Variants in SUPT16H observed in about 807,000 individuals in gnomAD.
The protein encoded by SUPT16H is FACT complex subunit SPT16.
Under a neutral mutation model 136.2 loss-of-function variants are expected in SUPT16H, and 24 were observed. The ratio of observed to expected loss-of-function variants is 0.18; its 90% CI spans 0.13 to 0.25. SUPT16H has a LOEUF of 0.25. Among genes scored for constraint, SUPT16H ranks in the 10% least tolerant of loss-of-function variants. SUPT16H has a pLI of 1.00. For missense variants in SUPT16H, 623 were observed against 1,270.2 expected, an observed-to-expected ratio of 0.49 and a Z score of 7.74; for synonymous variants, 415 against 428.2, an observed-to-expected ratio of 0.97 and a Z score of 0.38.
intron 18 of SUPT16H, 72 bp downstream of exon 18, chr14:21,360,343 T>TATA: frequency 8.1e-7 from 1 of 1,233,536 alleles, no homozygotes; most frequent in African/African-American, 1.5e-5. Context: ...ATCACTATTT[T>TATA]ATAGGAAAGA....
chr14:21,359,423 G>GATTGTA, intron 19 of SUPT16H, 61 bp downstream of exon 19: 1 of 1,587,634 alleles, frequency 6.3e-7, no homozygotes, highest in Non-Finnish European at 8.6e-7. Flanking sequence ...CAATCCCTGA[G>GATTGTA]CTTGGATTTG....
chr14:21,382,658 TTA>T (rs1441645055), intron 1 of SUPT16H, among the ~76,000 whole-genome samples: 1 of 97,478 alleles, frequency 1.0e-5, no homozygotes, highest in African/African-American at 3.1e-5. Flanking sequence ...CTAACATCGA[TTA>T]TGTTTGAATA....
intron 19 of SUPT16H, among the ~76,000 whole-genome samples, chr14:21,359,179 C>T (rs748410608): frequency 2.0e-4 from 31 of 152,108 alleles, no homozygotes; most frequent in Non-Finnish European, 4.0e-4. Flanking sequence ...CTCACTGCAA[C>T]CTCTGCCTCT....
chr14:21,357,417 A>G lies in SUPT16H; in HGVS notation c.2491-51T>C. The G allele has an allele frequency of 4.1e-6, 6 of 1,451,960 alleles. No homozygotes were observed. In the African/African-American group the frequency reaches 4.3e-5, roughly 10 times the overall value. The allele number at this position is 1,451,960 out of a possible 1,614,324, so 89.9% of individuals were successfully genotyped here. ...GCATATAAGTATTTCCCCCAAAGCA[A>G]TAATATTTCAAATAACTTTCATGAT... On this transcript the variant is annotated intron_variant, in intron 21 of 25. Transcript: ENST00000216297.
chr14:21,360,320 G>A lies in SUPT16H; in HGVS notation c.2175+95C>T, dbSNP rs544874906. On this transcript the variant is annotated intron_variant, in intron 18 of 25. Transcript: ENST00000216297. ...TGGGATTGTGGGCATGAGCCACCGC[G>A]CCCAGCCCTTTCATCACTATTTTAT... is the stretch of plus-strand genomic sequence containing the variant. 2,281 of 996,736 alleles carry A rather than the reference G, an allele frequency of 2.3e-3. 8 individuals carry two copies. The highest frequency in any genetic ancestry group is 2.9e-3 in the Non-Finnish European group (1,964 of 666,402). The allele number at this position is 996,736 out of a possible 1,614,324, so 61.7% of individuals were successfully genotyped here.
intron 1 of SUPT16H, among the ~76,000 whole-genome samples, chr14:21,378,079 G>A (rs1044339754): frequency 1.3e-5 from 2 of 152,124 alleles, no homozygotes; most frequent in African/African-American, 2.4e-5. Flanking sequence ...TGTGGGGGGT[G>A]GAAGTGGGGA....
chr14:21,356,081 C>T (rs1886427192), intron 22 of SUPT16H, among the ~76,000 whole-genome samples: 1 of 152,192 alleles, frequency 6.6e-6, no homozygotes, highest in Non-Finnish European at 1.5e-5. Flanking sequence ...GAGAATCCAC[C>T]ACAACCTGAT....
chr14:21,359,672 G>A (rs1886509533), intron 18 of SUPT16H, 63 bp from the exon 19 acceptor site: 2 of 1,572,690 alleles, frequency 1.3e-6, no homozygotes, highest in African/African-American at 1.4e-5. Context: ...TGATGGAAAT[G>A]GCAGTGATCC....
chr14:21,353,637 A>G, intron 24 of SUPT16H, 66 bp downstream of exon 24: 2 of 1,603,436 alleles, frequency 1.2e-6, no homozygotes, highest in South Asian at 2.2e-5. Context: ...TTAGTCTAAA[A>G]AAAGTAGTTT....
At chr14:21,353,617 G>A (rs775753830) in intron 24 of SUPT16H, 52 bp from the exon 25 acceptor site, 18 of 1,605,908 alleles carry the variant, frequency 1.1e-5, no homozygotes, top group East Asian at 2.2e-5. Flanking sequence ...AGAATGGAAC[G>A]ACAGAGTTCT....
intron 1 of SUPT16H, 106 bp downstream of exon 1, chr14:21,383,756 G>T: frequency 2.2e-6 from 3 of 1,334,920 alleles, no homozygotes; most frequent in Non-Finnish European, 3.2e-6. Flanking sequence ...GTGAGGCACA[G>T]AACCCGGGAA....
chr14:21,364,684 T>C, intron 10 of SUPT16H, 143 bp downstream of exon 10: 3 of 653,130 alleles, frequency 4.6e-6, no homozygotes, highest in East Asian at 2.7e-5. Flanking sequence ...ACAGTCTCTA[T>C]TCCTAGCTGC....
chr14:21,377,395 G>A (rs992887760), intron 1 of SUPT16H, among the ~76,000 whole-genome samples: 4 of 152,192 alleles, frequency 2.6e-5, no homozygotes, highest in Admixed American at 2.0e-4. Context: ...TGAAGTCTTT[G>A]ACGCCAAATA....
At chr14:21,370,001 A>G (rs2181125) in intron 4 of SUPT16H, 105 bp from the exon 5 acceptor site, 1,191,801 of 1,342,740 alleles carry the variant, frequency 0.89, 532,284 homozygotes, top group Middle Eastern at 0.91. Context: ...TTATTTAGCA[A>G]ACTATCACTG....
intron 7 of SUPT16H, among the ~76,000 whole-genome samples, chr14:21,367,491 G>A (rs1450327718): frequency 6.6e-6 from 1 of 152,196 alleles, no homozygotes; most frequent in Non-Finnish European, 1.5e-5. Flanking sequence ...GGTGGCCTCA[G>A]AGGGATCTTT....
At chr14:21,377,958 T>C (rs918454369) in intron 1 of SUPT16H, among the ~76,000 whole-genome samples, 1 of 151,932 alleles carries the variant, frequency 6.6e-6, no homozygotes, top group African/African-American at 2.4e-5. Context: ...TTAGAGAAAA[T>C]GTGCTAAAGA....
At chr14:21,379,922 C>T (rs994063457) in intron 1 of SUPT16H, among the ~76,000 whole-genome samples, 4 of 151,092 alleles carry the variant, frequency 2.6e-5, no homozygotes, top group African/African-American at 7.4e-5. Context: ...AAAAACCTTT[C>T]TCTATCCCAC....
Position 21,352,524 on chromosome 14 carries a change from A to C in SUPT16H, c.*149T>G. The C allele has an allele frequency of 7.9e-7, 1 of 1,272,142 alleles. No homozygotes were observed. The highest frequency in any genetic ancestry group is 1.1e-6 in the Non-Finnish European group (1 of 919,014). 78.8% of individuals were successfully genotyped at this position (1,272,142 alleles called of 1,614,324 possible). A position where few individuals can be genotyped will look rare whatever the true frequency, so the allele number is the denominator to read the frequency against. ...GGTGGGCCTGGAATTCCCCGAGTAG[A>C]TTGGTCCACACAAATGGCCCCCTAA... On this transcript the variant is annotated 3_prime_UTR_variant, in exon 26 of 26. Coordinates refer to ENST00000216297, the MANE Select transcript of SUPT16H (RefSeq NM_007192.4).
At chr14:21,383,425 C>A in intron 1 of SUPT16H, 1 of 526,076 alleles carries the variant, frequency 1.9e-6, no homozygotes, top group Non-Finnish European at 3.4e-6. Context: ...TGACATCCTC[C>A]TTGCCCTTCC....
Sources: allele counts gnomAD v4.1 joint callset (sites outside exome capture counted in the v4.1 genomes callset), GRCh38; gene constraint gnomAD v4.1.1; transcripts MANE v1.5; gene names NCBI Gene and HGNC (gene_info 2026-07-23, HGNC 2026-07-21).